Variants in GPATCH2L observed in about 807,000 individuals in gnomAD.
GPATCH2L encodes the protein G-patch domain containing 2 like, also known as G patch domain-containing protein 2-like.
A neutral mutation model predicts 57.4 loss-of-function variants in GPATCH2L; 31 were observed. The ratio of observed to expected loss-of-function variants is 0.54; its 90% CI spans 0.41 to 0.73. The LOEUF (loss-of-function observed/expected upper bound fraction) is 0.73. GPATCH2L is among the 30% of genes least tolerant of loss of function. The pLI is 0.00. For synonymous variants in GPATCH2L, 199 were observed against 210.7 expected, an observed-to-expected ratio of 0.94 and a Z score of 0.48; for missense variants, 481 against 599.9, an observed-to-expected ratio of 0.80 and a Z score of 2.07.
intron 3 of GPATCH2L, among the ~76,000 whole-genome samples, chr14:76,168,401 C>G (rs2038939300): frequency 6.6e-6 from 1 of 152,200 alleles, no homozygotes; most frequent in Non-Finnish European, 1.5e-5. Flanking sequence ...TGCTGCTTAA[C>G]AGCCCCCAAA....
chr14:76,185,683 TA>T (rs2139747925), intron 8 of GPATCH2L, among the ~76,000 whole-genome samples: 2 of 152,330 alleles, frequency 1.3e-5, no homozygotes, highest in South Asian at 2.1e-4. Flanking sequence ...AGCTCTGAAA[TA>T]GCAAAGCACT....
downstream of GPATCH2L, among the ~76,000 whole-genome samples, chr14:76,216,044 CTG>C (rs2040488094): frequency 6.6e-6 from 1 of 152,056 alleles, no homozygotes; most frequent in Non-Finnish European, 1.5e-5. Flanking sequence ...GTTGTGCTGA[CTG>C]AGATGGATGC....
downstream of GPATCH2L, among the ~76,000 whole-genome samples, chr14:76,216,877 A>G (rs935802753): frequency 2.0e-5 from 3 of 152,184 alleles, no homozygotes; most frequent in Non-Finnish European, 2.9e-5. Flanking sequence ...CCAATTGCAT[A>G]TGAAAGTTCA....
At chr14:76,197,651 A>C (rs1306891975) in intron 9 of GPATCH2L, among the ~76,000 whole-genome samples, 1 of 152,148 alleles carries the variant, frequency 6.6e-6, no homozygotes, top group Non-Finnish European at 1.5e-5. Context: ...GCCATCTCGG[A>C]TTCCACCTCT....
intron 9 of GPATCH2L, chr14:76,196,408 A>C (rs963907216): frequency 3.9e-6 from 1 of 258,962 alleles, no homozygotes; most frequent in Non-Finnish European, 7.2e-6. Context: ...TTCCTAATTA[A>C]AAACAATTTT....
At chr14:76,201,134 C>G (rs574802666) in intron 9 of GPATCH2L, among the ~76,000 whole-genome samples, 1 of 152,196 alleles carries the variant, frequency 6.6e-6, no homozygotes, top group East Asian at 1.9e-4. Context: ...TACCATTTTC[C>G]TTGTTGTATG....
At position 76,224,346 on chromosome 14, in the gene GPATCH2L, C is replaced by G. The variant is rs1258802910; in HGVS notation, c.66-5462C>G. 2.6e-5 allele frequency among the ~76,000 whole-genome samples: 4 copies of G among 152,224 alleles called. 1 individual carries two copies. Among genetic ancestry groups the G allele is most frequent in the African/African-American group, 9.6e-5 (4 of 41,550 alleles). ...ACAACTTTGTGAATATACTAAAAAC[C>G]ACTGAATTGTACTCTTTAAAATGAT... On this transcript the variant is annotated intron_variant and NMD_transcript_variant, in intron 1 of 3. Coordinates refer to the GPATCH2L transcript ENST00000556372.
chr14:76,189,699 CTT>C (rs1450464249), intron 8 of GPATCH2L, among the ~76,000 whole-genome samples: 1 of 152,030 alleles, frequency 6.6e-6, no homozygotes, highest in Non-Finnish European at 1.5e-5. Context: ...ATTTCTTTCT[CTT>C]GTCTGATTAC....
At position 76,203,425 on chromosome 14, in the gene GPATCH2L, G is replaced by C. The variant is rs769134966; in HGVS notation, c.*1574G>C. 1 of 152,504 alleles carries C rather than the reference G, an allele frequency of 6.6e-6. No homozygotes were observed. Among genetic ancestry groups the C allele is most frequent in the Non-Finnish European group, 1.5e-5 (1 of 68,128 alleles). The allele number at this position is 152,504 out of a possible 1,614,324, so 9.4% of individuals were successfully genotyped here. On this transcript the variant is annotated 3_prime_UTR_variant, in exon 10 of 10. Coordinates refer to ENST00000261530, the MANE Select transcript of GPATCH2L (RefSeq NM_017926.4). ...CCTGTGAGTCGCCTCTGGTTCTCAC[G>C]CAGCAGTGTGTGTGTGCTCACAGGG...
At position 76,177,709 on chromosome 14, in the gene GPATCH2L, T is replaced by TG. The variant is rs1169139748; in HGVS notation, c.1053-279_1053-278insG. On this transcript the variant is annotated intron_variant, in intron 6 of 9. Coordinates refer to ENST00000261530, the MANE Select transcript of GPATCH2L (RefSeq NM_017926.4). ...TTCCTTTGAAGAGGTTTTTTTTTGTTTTTGTTTTTGCAAAACATTCACATA... is the reference window on the plus strand; with the variant it reads ...TTCCTTTGAAGAGGTTTTTTTTTGTTGTTTGTTTTTGCAAAACATTCACATA... Among the ~76,000 whole-genome samples the TG allele has an allele frequency of 1.7e-3, 259 of 151,080 alleles. 4 individuals are homozygous for TG. The highest frequency in any genetic ancestry group is 5.7e-3 in the African/African-American group (233 of 41,054).
chr14:76,224,152 A>T (rs147798060), intron 1 of GPATCH2L, among the ~76,000 whole-genome samples: 1 of 152,328 alleles, frequency 6.6e-6, no homozygotes, highest in African/African-American at 2.4e-5. Context: ...GCCATATTCC[A>T]CTTACATGAA....
intron 1 of GPATCH2L, among the ~76,000 whole-genome samples, chr14:76,223,543 C>A (rs1040378493): frequency 1.3e-5 from 2 of 152,108 alleles, no homozygotes; most frequent in Non-Finnish European, 2.9e-5. Context: ...TTAGATATGA[C>A]ACCACATGCA....
intron 9 of GPATCH2L, chr14:76,196,446 T>TTG (rs1566812776): frequency 5.0e-6 from 1 of 199,066 alleles, no homozygotes; most frequent in African/African-American, 2.4e-5. Context: ...AGTTTTTTTT[T>TTG]TTTTTTTTTT....
chr14:76,177,191 G>A lies in GPATCH2L; in HGVS notation c.1052+501G>A, dbSNP rs558482794. Among the ~76,000 whole-genome samples the A allele has an allele frequency of 3.3e-5, 5 of 152,000 alleles. No homozygotes were observed. In the East Asian group the frequency reaches 5.8e-4, roughly 18 times the overall value. On this transcript the variant is annotated intron_variant, in intron 6 of 9. Coordinates refer to ENST00000261530, the MANE Select transcript of GPATCH2L (RefSeq NM_017926.4). ...CTCTTGAGTAGTTGGGACTACAGGC[G>A]CATGCTGCTGCGCCTGTCTAATTTT...
At chr14:76,188,527 G>C (rs2039854725) in intron 8 of GPATCH2L, among the ~76,000 whole-genome samples, 1 of 58,712 alleles carries the variant, frequency 1.7e-5, no homozygotes, top group Admixed American at 2.3e-4. Context: ...AGAAATATCT[G>C]TTCAAATCTT....
intron 1 of GPATCH2L, chr14:76,229,676 T>C (rs2040551841): frequency 6.6e-6 from 1 of 152,182 alleles, no homozygotes; most frequent in African/African-American, 2.4e-5. Flanking sequence ...TTGGAGAATC[T>C]GCCCTCCTCC....
chr14:76,177,647 CTGT>C (rs1450788277), intron 6 of GPATCH2L, among the ~76,000 whole-genome samples: 1 of 146,262 alleles, frequency 6.8e-6, no homozygotes, highest in Non-Finnish European at 1.5e-5. Flanking sequence ...GGGTTTATTT[CTGT>C]TGTTCAGTCT....
At chr14:76,161,813 A>C (rs1210918399) in intron 2 of GPATCH2L, among the ~76,000 whole-genome samples, 3 of 152,200 alleles carry the variant, frequency 2.0e-5, no homozygotes, top group East Asian at 3.9e-4. Flanking sequence ...AGGCGGGTGG[A>C]TCACCTAAGA....
chr14:76,193,088 A>G (rs190047357), intron 8 of GPATCH2L, among the ~76,000 whole-genome samples: 2 of 152,184 alleles, frequency 1.3e-5, no homozygotes, highest in East Asian at 1.9e-4. Flanking sequence ...TAGCACCCTA[A>G]GATGTTGTGG....
Sources: allele counts gnomAD v4.1 joint callset (sites outside exome capture counted in the v4.1 genomes callset), GRCh38; gene constraint gnomAD v4.1.1; transcripts MANE v1.5; gene names NCBI Gene and HGNC (gene_info 2026-07-23, HGNC 2026-07-21).